The following UIMC1 variants were observed in gnomAD, a reference collection of about 807,000 sequenced individuals.
UIMC1 encodes BRCA1-A complex subunit RAP80.
A neutral mutation model predicts 84.9 loss-of-function variants in UIMC1; 42 were observed. That is an observed-to-expected ratio of 0.49 (90% CI 0.39 to 0.64). The LOEUF is 0.64. Ranked by LOEUF, UIMC1 falls within the 30% of genes least tolerant of loss-of-function variation. The pLI, the probability that UIMC1 is intolerant of heterozygous loss-of-function variation, is 0.00. For synonymous variants in UIMC1, 281 were observed against 293.0 expected, an observed-to-expected ratio of 0.96 and a Z score of 0.42; for missense variants, 825 against 847.6, an observed-to-expected ratio of 0.97 and a Z score of 0.33.
At chr5:176,922,207 T>C (rs746172019) in intron 10 of UIMC1, among the ~76,000 whole-genome samples, 3 of 152,232 alleles carry the variant, frequency 2.0e-5, no homozygotes, top group Non-Finnish European at 4.4e-5. Context: ...GTAAGCTTTA[T>C]AAGAACACTG....
At chr5:176,971,522 A>C (rs556465213) in intron 3 of UIMC1, among the ~76,000 whole-genome samples, 1 of 152,378 alleles carries the variant, frequency 6.6e-6, no homozygotes, top group Non-Finnish European at 1.5e-5. Flanking sequence ...CTTAGGAGCC[A>C]ATTAAATAAA....
rs147879831 is a variant in UIMC1, at chr5:176,989,180, C to T, written c.-8-6557G>A. Among the ~76,000 whole-genome samples, 1,387 of 152,046 alleles carry T rather than the reference C, an allele frequency of 9.1e-3. 8 individuals are homozygous for T. The highest frequency in any genetic ancestry group is 0.025 in the South Asian group (121 of 4,818). ...TCAGAAGTAGTCTGTACAATACTAG[C>T]ATTAAAGTTTTTCTAAAAAAAACAC... On this transcript the variant is annotated intron_variant, in intron 1 of 14. Transcript: ENST00000511320.
chr5:176,954,526 G>A (rs1051889529), intron 8 of UIMC1, among the ~76,000 whole-genome samples: 1 of 151,914 alleles, frequency 6.6e-6, no homozygotes, highest in Non-Finnish European at 1.5e-5. Flanking sequence ...CTTGAGCTCA[G>A]GAGTTTAAGG....
intron 9 of UIMC1, among the ~76,000 whole-genome samples, chr5:176,945,318 T>C (rs1397662520): frequency 1.3e-5 from 2 of 152,152 alleles, no homozygotes; most frequent in Non-Finnish European, 2.9e-5. Context: ...AGCTTAAAAA[T>C]TGCAAAGCTG....
chr5:176,919,932 T>C (rs896782784), intron 10 of UIMC1, among the ~76,000 whole-genome samples: 3 of 152,218 alleles, frequency 2.0e-5, no homozygotes, highest in Non-Finnish European at 2.9e-5. Flanking sequence ...TTCAAGACTG[T>C]TCTATTCTGT....
intron 1 of UIMC1, among the ~76,000 whole-genome samples, chr5:176,986,945 T>A (rs532707839): frequency 6.6e-6 from 1 of 152,096 alleles, no homozygotes; most frequent in African/African-American, 2.4e-5. Flanking sequence ...ATAGGCCAGG[T>A]ACAGTGACTC....
At chr5:176,975,060 C>T (rs1340213046) in intron 3 of UIMC1, among the ~76,000 whole-genome samples, 2 of 151,798 alleles carry the variant, frequency 1.3e-5, no homozygotes, top group Non-Finnish European at 2.9e-5. Context: ...TCACTTGAGC[C>T]AATGAGTTCA....
chr5:176,974,053 T>C (rs1769674795), intron 3 of UIMC1, among the ~76,000 whole-genome samples: 1 of 152,116 alleles, frequency 6.6e-6, no homozygotes, highest in African/African-American at 2.4e-5. Context: ...AGTAGGACCC[T>C]GCCTCAAAAA....
chr5:177,020,896 T>A (rs1346643276), intron 1 of UIMC1, among the ~76,000 whole-genome samples: 1 of 152,216 alleles, frequency 6.6e-6, no homozygotes. Context: ...GCTAGTAATA[T>A]TAAAAGCTTC....
upstream of UIMC1, among the ~76,000 whole-genome samples, chr5:177,007,415 G>A (rs1283065007): frequency 1.3e-5 from 2 of 150,176 alleles, no homozygotes; most frequent in South Asian, 2.1e-4. Flanking sequence ...CACAAGACAT[G>A]TTCAAGGAGG....
chr5:176,905,569 G>T (rs1759254017), intron 14 of UIMC1, 77 bp from the exon 15 acceptor site: 5 of 1,289,396 alleles, frequency 3.9e-6, no homozygotes, highest in Non-Finnish European at 4.3e-6. Context: ...TGTATCAGGG[G>T]ATTTTACATA....
chr5:176,960,972 G>A (rs1300112934), intron 6 of UIMC1, among the ~76,000 whole-genome samples: 5 of 39,244 alleles, frequency 1.3e-4, no homozygotes, highest in Admixed American at 7.6e-4. Context: ...GCGTGATCTC[G>A]GCTCACTACA....
chr5:176,997,384 C>T (rs1453830820), intron 1 of UIMC1, among the ~76,000 whole-genome samples: 3 of 152,056 alleles, frequency 2.0e-5, no homozygotes, highest in Admixed American at 6.6e-5. Context: ...TTAAAGTACT[C>T]CACTACTTAA....
chr5:176,993,623 A>AG, intron 1 of UIMC1, among the ~76,000 whole-genome samples: 1 of 152,182 alleles, frequency 6.6e-6, no homozygotes, highest in South Asian at 2.1e-4. Context: ...AAGTATCTCT[A>AG]CTGATAATTT....
intron 2 of UIMC1, 127 bp downstream of exon 2, chr5:176,982,342 T>G: frequency 3.8e-6 from 4 of 1,064,212 alleles, no homozygotes; most frequent in Non-Finnish European, 5.4e-6. Flanking sequence ...AAAACAAAGC[T>G]GAGTAAAAAT....
chr5:176,909,981 A>C (rs1467025360), intron 11 of UIMC1, among the ~76,000 whole-genome samples: 7 of 152,230 alleles, frequency 4.6e-5, no homozygotes, highest in Non-Finnish European at 8.8e-5. Flanking sequence ...CAAGGCACCT[A>C]GCACAATGAC....
chr5:176,921,567 T>A (rs1171230147), intron 10 of UIMC1, among the ~76,000 whole-genome samples: 3 of 152,210 alleles, frequency 2.0e-5, no homozygotes, highest in African/African-American at 7.2e-5. Flanking sequence ...ATTAACCCAG[T>A]TGCTTGGGGC....
intron 1 of UIMC1, among the ~76,000 whole-genome samples, chr5:176,994,856 T>C (rs556422973): frequency 3.3e-5 from 5 of 152,056 alleles, no homozygotes; most frequent in Admixed American, 2.6e-4. Context: ...AGCTGCACAG[T>C]AGGGAAAACA....
chr5:176,941,513 A>G (rs1012069989), intron 10 of UIMC1, among the ~76,000 whole-genome samples: 5 of 152,366 alleles, frequency 3.3e-5, no homozygotes, highest in East Asian at 3.9e-4. Context: ...TTATTTAATA[A>G]CTAAAAAGTA....
Sources: allele counts gnomAD v4.1 joint callset (sites outside exome capture counted in the v4.1 genomes callset), GRCh38; gene constraint gnomAD v4.1.1; transcripts MANE v1.5; gene names NCBI Gene and HGNC (gene_info 2026-07-23, HGNC 2026-07-21).